PRDM16: variants seen among roughly 807,000 people sequenced by gnomAD.
The protein encoded by PRDM16 is PR/SET domain 16, also known as histone-lysine N-methyltransferase PRDM16.
In PRDM16, 23 loss-of-function variants were observed where a neutral mutation model predicts 110.6. The ratio of observed to expected loss-of-function variants is 0.21; its 90% CI spans 0.15 to 0.29. The LOEUF (loss-of-function observed/expected upper bound fraction) is 0.29, where lower values mean the gene tolerates loss of function less well. Among genes scored for constraint, PRDM16 ranks in the 10% least tolerant of loss-of-function variants. The pLI is 1.00. For missense variants in PRDM16, 1,615 were observed against 1,794.3 expected (o/e 0.90, Z 1.81); for synonymous variants, 799 against 781.8 (o/e 1.02, Z -0.37).
chr1:3,204,777 T>G (rs1156470180), intron 2 of PRDM16, among the ~76,000 whole-genome samples: 1 of 152,250 alleles, frequency 6.6e-6, no homozygotes, highest in African/African-American at 2.4e-5. Flanking sequence ...TTGCTCACCC[T>G]TGAAGGCCCT....
rs142654209 is a variant in PRDM16, at chr1:3,318,374, G to A, written c.439-66778G>A. The stretch of plus-strand genomic sequence containing the variant: ...GAAAATTGTGATCTGGTTCAAATTC[G>A]CTTTTTTCCATGTCATTTCTGTTGT... On this transcript the variant is annotated intron_variant, in intron 3 of 16. Transcript: ENST00000270722. Among the ~76,000 whole-genome samples the A allele has an allele frequency of 2.9e-4, 44 of 152,090 alleles. No individual in the cohort carries two copies. The Middle Eastern group carries it at 0.01, about 35-fold the overall frequency.
rs764834867 is a variant in PRDM16 at position 3,351,529 on chromosome 1, T to TCCCCTCCTCTCTCCC, written c.439-33623_439-33622insCCCCTCCTCTCTCCC. ...ACTGTGTCACATTGGAACCCGTCTCTGTCCCCCTCCCTCTCTGTCCCCCTC... is the reference window on the plus strand; with the variant it reads ...ACTGTGTCACATTGGAACCCGTCTCTCCCCTCCTCTCTCCCGTCCCCCTCCCTCTCTGTCCCCCTC... On this transcript the variant is annotated intron_variant, in intron 3 of 16. Transcript: ENST00000270722. Among the ~76,000 whole-genome samples the TCCCCTCCTCTCTCCC allele has an allele frequency of 2.4e-4, 2 of 8,210 alleles. 1 individual carries two copies. Among genetic ancestry groups the TCCCCTCCTCTCTCCC allele is most frequent in the Non-Finnish European group, 6.3e-4 (2 of 3,166 alleles). The allele number at this position is 8,210 out of a possible 152,430, so 5.4% of individuals were successfully genotyped here.
chr1:3,279,529 C>T (rs752656667), intron 3 of PRDM16, among the ~76,000 whole-genome samples: 25 of 152,228 alleles, frequency 1.6e-4, no homozygotes, highest in Non-Finnish European at 2.4e-4. Flanking sequence ...TGAGCTGCCT[C>T]GGCCGGAGAC....
rs541807800 is a variant in PRDM16 at position 3,376,967 on chromosome 1, C to T, written c.439-8185C>T. Among the ~76,000 whole-genome samples, 53 of 152,248 alleles carry T rather than the reference C, an allele frequency of 3.5e-4. 1 individual carries two copies. The highest frequency in any genetic ancestry group is 7.2e-4 in the Non-Finnish European group (49 of 68,048). ...GCTCACCTAGGCTCTGTGTTCACACCGGACCGAGGTGTTTCCAGAACGCCT... is the reference window on the plus strand; with the variant it reads ...GCTCACCTAGGCTCTGTGTTCACACTGGACCGAGGTGTTTCCAGAACGCCT... On this transcript the variant is annotated intron_variant, in intron 3 of 16. Transcript: ENST00000270722.
At chr1:3,199,281 G>A (rs1376958182) in intron 2 of PRDM16, among the ~76,000 whole-genome samples, 1 of 69,904 alleles carries the variant, frequency 1.4e-5, no homozygotes, top group Non-Finnish European at 2.1e-5. Context: ...CCCAAAGAGC[G>A]GTGGGGGTCT....
intron 12 of PRDM16, among the ~76,000 whole-genome samples, chr1:3,424,336 G>A (rs975091226): frequency 6.6e-6 from 1 of 152,228 alleles, no homozygotes; most frequent in African/African-American, 2.4e-5. Context: ...GGGTCACCAC[G>A]TGTGGCTGTG....
chr1:3,138,477 C>A (rs892220199), intron 1 of PRDM16, among the ~76,000 whole-genome samples: 7 of 152,234 alleles, frequency 4.6e-5, no homozygotes, highest in African/African-American at 1.7e-4. Flanking sequence ...TCTGAGGTTT[C>A]ACTTTCCTGT....
Position 3,157,422 on chromosome 1 carries a change from TA to T in PRDM16, c.38-28683del, listed in dbSNP as rs34858929. Reference sequence around the variant, plus strand: ...GCTCCCAGGCCTTTTGCGATCCCATTAAAAAAAAAAAAAAAAAAAACACCTT... The same window carrying T: ...GCTCCCAGGCCTTTTGCGATCCCATTAAAAAAAAAAAAAAAAAAACACCTT... On this transcript the variant is annotated intron_variant, in intron 1 of 16. Transcript: ENST00000270722. The surrounding 1 kb of genome is among the most constrained non-coding windows in gnomAD (Gnocchi z 4.8). Among the ~76,000 whole-genome samples, 3,333 of 122,128 alleles carry T rather than the reference TA, an allele frequency of 0.027. 53 individuals are homozygous for T. The highest frequency in any genetic ancestry group is 0.057 in the Middle Eastern group (11 of 192). 80.1% of individuals were successfully genotyped at this position (122,128 alleles called of 152,430 possible).
At chr1:3,179,120 T>A (rs1367742243) in intron 1 of PRDM16, among the ~76,000 whole-genome samples, 1 of 152,252 alleles carries the variant, frequency 6.6e-6, no homozygotes, top group Non-Finnish European at 1.5e-5. Context: ...TCCCCGGTTT[T>A]GAAAGTGCCC....
chr1:3,204,431 C>G (rs1468611169), intron 2 of PRDM16, among the ~76,000 whole-genome samples: 1 of 152,232 alleles, frequency 6.6e-6, no homozygotes, highest in Non-Finnish European at 1.5e-5. Flanking sequence ...CTGATCCCTA[C>G]AGTTTCTAGA....
chr1:3,274,579 C>T (rs1640539970), intron 3 of PRDM16, among the ~76,000 whole-genome samples: 1 of 152,194 alleles, frequency 6.6e-6, no homozygotes, highest in Admixed American at 6.5e-5. Flanking sequence ...CTTTAATCAG[C>T]CCTGACTTTT....
rs1354432612 is a variant in PRDM16 at position 3,437,510 on chromosome 1, C to A, written c.*3699C>A. ...GAGAGCAGAGCTCGCCCCTGCACTG[C>A]AGCCTTGTGGGGGAGGGCAAGGCTC... On this transcript the variant is annotated 3_prime_UTR_variant, in exon 17 of 17. Transcript: ENST00000270722. 3 of 229,648 alleles carry A rather than the reference C, an allele frequency of 1.3e-5. No homozygotes were observed. Among genetic ancestry groups the A allele is most frequent in the Admixed American group, 1.1e-4 (2 of 17,666 alleles). 14.2% of individuals were successfully genotyped at this position (229,648 alleles called of 1,614,324 possible). A position where few individuals can be genotyped will look rare whatever the true frequency, so the allele number is the denominator to read the frequency against.
At chr1:3,279,199 G>A (rs957093293) in intron 3 of PRDM16, among the ~76,000 whole-genome samples, 4 of 152,220 alleles carry the variant, frequency 2.6e-5, no homozygotes, top group Non-Finnish European at 5.9e-5. Context: ...TGGAAAGACC[G>A]GCGGCCTCTC....
intron 3 of PRDM16, among the ~76,000 whole-genome samples, chr1:3,320,583 CAG>C (rs1400600192): frequency 3.9e-5 from 6 of 152,196 alleles, no homozygotes; most frequent in Non-Finnish European, 8.8e-5. Context: ...CCCCCGGACA[CAG>C]AGAGGGGCAG....
At position 3,190,352 on chromosome 1, in the gene PRDM16, G is replaced by A. The variant is rs559599103; in HGVS notation, c.387+3878G>A. Among the ~76,000 whole-genome samples the A allele has an allele frequency of 2.9e-3, 447 of 152,356 alleles. 4 individuals are homozygous for A. The highest frequency in any genetic ancestry group is 0.01 in the African/African-American group (433 of 41,566). ...GCAGGAATGAGGCTGGGGGTCGGGA[G>A]CTGAGTTTCCTCCGGCCTCAGTTGC... On this transcript the variant is annotated intron_variant, in intron 2 of 16. Coordinates refer to ENST00000270722, the MANE Select transcript of PRDM16 (RefSeq NM_022114.4). This position sits in a 1 kb window ranked among gnomAD's most constrained non-coding sequence, Gnocchi z 5.0.
At chr1:3,383,410 G>C (rs1055688764) in intron 3 of PRDM16, among the ~76,000 whole-genome samples, 2 of 152,156 alleles carry the variant, frequency 1.3e-5, no homozygotes, top group Non-Finnish European at 2.9e-5. Context: ...TCAACAAGGA[G>C]ACTGAGAGCA....
At chr1:3,149,750 C>T (rs1455903521) in intron 1 of PRDM16, among the ~76,000 whole-genome samples, 1 of 152,236 alleles carries the variant, frequency 6.6e-6, no homozygotes, top group Non-Finnish European at 1.5e-5. Context: ...TTGTTAATTA[C>T]CATTTCCTCC....
chr1:3,085,088 C>A (rs1208725055), intron 1 of PRDM16, among the ~76,000 whole-genome samples: 2 of 152,242 alleles, frequency 1.3e-5, no homozygotes, highest in Non-Finnish European at 2.9e-5. Flanking sequence ...ACAGCCTAGG[C>A]AGCAGAATAG....
intron 3 of PRDM16, among the ~76,000 whole-genome samples, chr1:3,275,662 A>G (rs1212177191): frequency 6.6e-6 from 1 of 151,256 alleles, no homozygotes; most frequent in Admixed American, 6.6e-5. Flanking sequence ...TCCCTCAAGA[A>G]CTCCATCCGG....
Sources: allele counts gnomAD v4.1 joint callset (sites outside exome capture counted in the v4.1 genomes callset), GRCh38; gene constraint gnomAD v4.1.1; non-coding constraint Gnocchi (gnomAD v3.1); transcripts MANE v1.5; gene names NCBI Gene and HGNC (gene_info 2026-07-23, HGNC 2026-07-21).